The following DNAH6 variants were observed in gnomAD, a reference collection of about 807,000 sequenced individuals.
DNAH6 encodes dynein axonemal heavy chain 6.
A neutral mutation model predicts 491.4 loss-of-function variants in DNAH6; 340 were observed. The observed-to-expected ratio is 0.69, with a 90% CI of 0.63 to 0.76. The LOEUF is 0.76. Ranked by LOEUF, DNAH6 falls within the 30% of genes least tolerant of loss-of-function variation. The pLI is 0.00. For missense variants in DNAH6, 4,443 were observed against 4,972.2 expected (o/e 0.89, Z 3.20); for synonymous variants, 1,603 against 1,686.1 (o/e 0.95, Z 1.21).
chr2:84,737,288 C>T (rs1260727781), intron 62 of DNAH6, among the ~76,000 whole-genome samples: 7 of 151,768 alleles, frequency 4.6e-5, no homozygotes, highest in Non-Finnish European at 8.8e-5. Context: ...CCTTTGTTTT[C>T]TTTTCTTTTT....
Position 84,815,890 on chromosome 2 carries a change from TC to T in DNAH6, c.12181del (p.His4061MetfsTer16). ...LPSPEDGVLV[H>X]GMFMDASRWD... is the part of the protein sequence containing the mutation. ...CCTCTCCTGAGGATGGTGTTCTTGT[TC>T]ATGGGATGTTCATGGATGCTTCTCG... On this transcript the variant is annotated frameshift_variant, in exon 76 of 77. Coordinates refer to ENST00000389394, the MANE Select transcript of DNAH6 (RefSeq NM_001370.2). LOFTEE classifies it high-confidence loss of function. 6.4e-7 allele frequency: 1 copy of T among 1,551,644 alleles called. No individual in the cohort carries two copies. Among genetic ancestry groups the T allele is most frequent in the Non-Finnish European group, 8.7e-7 (1 of 1,146,968 alleles).
intron 15 of DNAH6, among the ~76,000 whole-genome samples, chr2:84,585,590 C>T (rs1683455712): frequency 6.6e-6 from 1 of 152,118 alleles, no homozygotes; most frequent in African/African-American, 2.4e-5. Context: ...ATCTCTGCAG[C>T]TCTCAGCAGA....
the DNAH6 span, among the ~76,000 whole-genome samples, chr2:84,488,444 T>C: frequency 1.3e-5 from 2 of 151,928 alleles, no homozygotes; most frequent in East Asian, 3.9e-4. Context: ...TAAAATTAAG[T>C]TAAATCTAAA....
intron 52 of DNAH6, among the ~76,000 whole-genome samples, 180 bp downstream of exon 52, chr2:84,705,927 C>A (rs1696384529): frequency 6.6e-6 from 1 of 152,090 alleles, no homozygotes; most frequent in African/African-American, 2.4e-5. Context: ...CCTCTGAAAT[C>A]AGCCTTCTTT....
chr2:84,679,416 C>T (rs1358985476), intron 41 of DNAH6, among the ~76,000 whole-genome samples: 4 of 152,162 alleles, frequency 2.6e-5, no homozygotes, highest in African/African-American at 9.7e-5. Flanking sequence ...CCAAAATATG[C>T]ATCACTATAC....
intron 50 of DNAH6, 35 bp from the exon 51 acceptor site, chr2:84,704,032 T>C (rs936564597): frequency 1.4e-6 from 2 of 1,471,014 alleles, no homozygotes; most frequent in Non-Finnish European, 1.8e-6. Flanking sequence ...ATTCAAATAA[T>C]GAGGCCACTT....
chr2:84,616,637 G>C (rs1573233991), intron 22 of DNAH6, among the ~76,000 whole-genome samples: 1 of 152,016 alleles, frequency 6.6e-6, no homozygotes, highest in Non-Finnish European at 1.5e-5. Context: ...CATCCAGATT[G>C]GTAAAGAGGG....
At chr2:84,659,443 TCA>T (rs373581150) in intron 37 of DNAH6, among the ~76,000 whole-genome samples, 1 of 152,318 alleles carries the variant, frequency 6.6e-6, no homozygotes, top group African/African-American at 2.4e-5. Flanking sequence ...AATTTATTTT[TCA>T]CAGTGTGAAA....
At chr2:84,589,728 AAAAG>A (rs1683918592) in intron 16 of DNAH6, among the ~76,000 whole-genome samples, 1 of 151,724 alleles carries the variant, frequency 6.6e-6, no homozygotes, top group Non-Finnish European at 1.5e-5. Flanking sequence ...AAAAAAAAAA[AAAAG>A]AAAGGTATAT....
rs70949898 is a variant in DNAH6 at position 84,602,797 on chromosome 2, G to GTTTT, written c.2869-1530_2869-1527dup. 1.1e-3 allele frequency among the ~76,000 whole-genome samples: 133 copies of GTTTT among 121,864 alleles called. 2 individuals carry two copies. The highest frequency in any genetic ancestry group is 4.1e-3 in the African/African-American group (129 of 31,388). The allele number at this position is 121,864 out of a possible 152,430, so 79.9% of individuals were successfully genotyped here. ...TTGTCCCACAGGTCTTGGATGCTCT[G>GTTTT]TTTTTTTTTTTTTTTCTTTTCCCTC... On this transcript the variant is annotated intron_variant, in intron 18 of 76. Transcript: ENST00000389394.
chr2:84,468,166 T>A, the DNAH6 span, among the ~76,000 whole-genome samples: 7 of 152,260 alleles, frequency 4.6e-5, no homozygotes, highest in Non-Finnish European at 7.3e-5. Context: ...AGTTTTTATT[T>A]AACTTTCAAA....
At chr2:84,467,188 T>G in the DNAH6 span, among the ~76,000 whole-genome samples, 2 of 152,222 alleles carry the variant, frequency 1.3e-5, no homozygotes, top group Non-Finnish European at 2.9e-5. Flanking sequence ...CTTTTACAAC[T>G]TGCTTAAACC....
chr2:84,491,216 C>G, the DNAH6 span, among the ~76,000 whole-genome samples: 30 of 152,266 alleles, frequency 2.0e-4, no homozygotes, highest in South Asian at 6.2e-3. Context: ...GTGTCTGTAT[C>G]ATTTTGTATT....
Position 84,709,332 on chromosome 2 carries a change from C to G in DNAH6, c.9049-11C>G. On this transcript the variant is annotated splice_polypyrimidine_tract_variant and intron_variant, in intron 54 of 76. Transcript: ENST00000389394. ...CTGACTCTACTCAAGTAAGCTTTCC[C>G]CCTTCTACAGCTTATAGAGTGTTGG... The G allele has an allele frequency of 3.9e-6, 6 of 1,551,408 alleles. No individual in the cohort carries two copies. Among genetic ancestry groups the G allele is most frequent in the Non-Finnish European group, 5.2e-6 (6 of 1,146,866 alleles).
chr2:84,547,431 G>A (rs1036839300), intron 6 of DNAH6, 29 bp downstream of exon 6: 24 of 1,551,268 alleles, frequency 1.5e-5, no homozygotes, highest in Middle Eastern at 1.7e-4. Context: ...AAGAATCAAA[G>A]CTTTTTTCCC....
intron 37 of DNAH6, among the ~76,000 whole-genome samples, chr2:84,665,336 A>C (rs1458176593): frequency 6.6e-6 from 1 of 152,164 alleles, no homozygotes; most frequent in East Asian, 1.9e-4. Context: ...AGATCAACAA[A>C]ATTGATAGAC....
intron 10 of DNAH6, among the ~76,000 whole-genome samples, 193 bp from the exon 11 acceptor site, chr2:84,557,542 C>T (rs1394839950): frequency 3.3e-5 from 5 of 149,740 alleles, no homozygotes; most frequent in East Asian, 2.0e-4. Flanking sequence ...CCCAGCTACT[C>T]GGGAGGCTGA....
At chr2:84,780,505 A>G (rs894914438) in intron 64 of DNAH6, among the ~76,000 whole-genome samples, 1 of 151,934 alleles carries the variant, frequency 6.6e-6, no homozygotes, top group Non-Finnish European at 1.5e-5. Flanking sequence ...TTTTTTCTTC[A>G]TATAGCTATG....
At chr2:84,759,046 A>G (rs1224219724) in intron 63 of DNAH6, among the ~76,000 whole-genome samples, 1 of 152,218 alleles carries the variant, frequency 6.6e-6, no homozygotes, top group Non-Finnish European at 1.5e-5. Flanking sequence ...TATCCAAAAA[A>G]TAAAATTTAA....
Sources: allele counts gnomAD v4.1 joint callset (sites outside exome capture counted in the v4.1 genomes callset), GRCh38; gene constraint gnomAD v4.1.1; transcripts MANE v1.5; gene names NCBI Gene and HGNC (gene_info 2026-07-23, HGNC 2026-07-21).